Variants in KIF13B observed in about 807,000 individuals in gnomAD.
The protein encoded by KIF13B is kinesin family member 13B.
Under a neutral mutation model 222.0 loss-of-function variants are expected in KIF13B, and 127 were observed. The ratio of observed to expected loss-of-function variants is 0.57; its 90% CI spans 0.50 to 0.66. KIF13B has a LOEUF of 0.66. Among genes scored for constraint, KIF13B ranks in the 30% least tolerant of loss-of-function variants. The pLI is 0.00. For missense variants in KIF13B, 2,173 were observed against 2,379.0 expected (o/e 0.91, Z 1.80); for synonymous variants, 976 against 919.0 (o/e 1.06, Z -1.12).
At position 29,155,657 on chromosome 8, in the gene KIF13B, T is replaced by C. The variant is rs1811487020; in HGVS notation, c.1535+69A>G. ...TCAACTTAAAAGCAACAAAGGCCAC[T>C]GTTGCCACTAGAGTACTTTCTTCCT... is the stretch of plus-strand genomic sequence containing the variant. On this transcript the variant is annotated intron_variant, in intron 14 of 39. Transcript: ENST00000524189. The C allele has an allele frequency of 8.0e-6, 11 of 1,383,320 alleles. No homozygotes were observed. In the Admixed American group the frequency reaches 2.1e-4, roughly 27 times the overall value. 85.7% of individuals were successfully genotyped at this position (1,383,320 alleles called of 1,614,324 possible). A position where few individuals can be genotyped will look rare whatever the true frequency, so the allele number is the denominator to read the frequency against.
chr8:29,140,415 C>G (rs1395928479), intron 20 of KIF13B, 53 bp downstream of exon 20: 2 of 1,565,204 alleles, frequency 1.3e-6, no homozygotes, highest in Non-Finnish European at 1.7e-6. Flanking sequence ...TCACCACCCT[C>G]TTGTTTCTTA....
At chr8:29,121,041 T>C (rs1184251538) in intron 29 of KIF13B, among the ~76,000 whole-genome samples, 1 of 146,640 alleles carries the variant, frequency 6.8e-6, no homozygotes. Context: ...GTTTTTTTCT[T>C]GTAAATTTGT....
chr8:29,108,965 AAAC>A (rs1809226332), intron 34 of KIF13B, among the ~76,000 whole-genome samples: 1 of 152,240 alleles, frequency 6.6e-6, no homozygotes, highest in South Asian at 2.1e-4. Context: ...AGGTTTTTAA[AAAC>A]AACAATAAAC....
chr8:29,160,993 G>T, intron 12 of KIF13B, 126 bp from the exon 13 acceptor site: 1 of 697,302 alleles, frequency 1.4e-6, no homozygotes, highest in Non-Finnish European at 2.2e-6. Flanking sequence ...CTTAGGCTAT[G>T]GCATTATAGA....
In KIF13B at chr8:29,071,685, C is replaced by G. The variant is rs1375820012; in HGVS notation, c.5153G>C (p.Arg1718Thr). 3 of 1,553,836 alleles carry G rather than the reference C, an allele frequency of 1.9e-6. No individual in the cohort carries two copies. The Admixed American group carries it at 5.8e-5, about 30-fold the overall frequency. ...TVGAHKTGVV[R>T]YVGPADFQEG... The stretch of plus-strand genomic sequence containing the variant: ...TTGGAAGTCGGCAGGCCCCACGTAT[C>G]TCACCACGCCCGTTTTGTGGGCGCC... Residue 1718 changes from arginine to threonine, a missense_variant, in exon 39 of 40, where the codon AGA (arginine) becomes ACA (threonine). This residue lies in a region of KIF13B where 693 missense variants were observed against 656.2 expected (regional missense o/e 1.06). Coordinates refer to ENST00000524189, the MANE Select transcript of KIF13B (RefSeq NM_015254.4). This position sits in a 1 kb window ranked among gnomAD's most constrained non-coding sequence, Gnocchi z 4.9.
chr8:29,160,392 A>C (rs1186188926), intron 13 of KIF13B, among the ~76,000 whole-genome samples: 2 of 152,254 alleles, frequency 1.3e-5, no homozygotes, highest in East Asian at 3.8e-4. Flanking sequence ...TGTGCTTCAC[A>C]TAAACCATAA....
At chr8:29,103,589 G>C (rs930980291) in intron 35 of KIF13B, among the ~76,000 whole-genome samples, 1 of 152,000 alleles carries the variant, frequency 6.6e-6, no homozygotes, top group African/African-American at 2.4e-5. Flanking sequence ...GGTGAATTTC[G>C]CATTTGGAAT....
At chr8:29,146,313 C>A (rs750680118) in intron 18 of KIF13B, 65 bp downstream of exon 18, 3 of 1,534,374 alleles carry the variant, frequency 2.0e-6, no homozygotes, top group Non-Finnish European at 2.7e-6. Context: ...TTAAATAACA[C>A]CAGGAAATAT....
intron 3 of KIF13B, among the ~76,000 whole-genome samples, chr8:29,191,356 G>C (rs559318036): frequency 5.6e-4 from 82 of 145,470 alleles, no homozygotes; most frequent in Non-Finnish European, 1.0e-3. Flanking sequence ...CGAAATTAGT[G>C]ATCTGTTTCA....
At chr8:29,109,576 T>A (rs1428523093) in intron 33 of KIF13B, 65 bp from the exon 34 acceptor site, 1 of 1,302,478 alleles carries the variant, frequency 7.7e-7, no homozygotes, top group Non-Finnish European at 1.1e-6. Flanking sequence ...AGCAACACCA[T>A]GTACAGCAGA....
At chr8:29,122,992 C>T (rs1809944623) in intron 28 of KIF13B, among the ~76,000 whole-genome samples, 1 of 152,160 alleles carries the variant, frequency 6.6e-6, no homozygotes, top group Non-Finnish European at 1.5e-5. Flanking sequence ...GCTGACAGTA[C>T]AGTTTAAGCC....
intron 2 of KIF13B, among the ~76,000 whole-genome samples, chr8:29,215,231 G>T (rs547793020): frequency 6.6e-6 from 1 of 152,212 alleles, no homozygotes; most frequent in East Asian, 1.9e-4. Context: ...AGGGAAGATA[G>T]AGGGCAGAAA....
chr8:29,173,954 A>AC (rs1327140669), intron 10 of KIF13B, among the ~76,000 whole-genome samples: 4 of 151,928 alleles, frequency 2.6e-5, no homozygotes, highest in African/African-American at 9.7e-5. Context: ...AAAAAAAAAA[A>AC]AAAACTCATT....
rs1169656754 is a variant in KIF13B at position 29,172,918 on chromosome 8, C to CT, written c.945+3149dup. Among the ~76,000 whole-genome samples the CT allele has an allele frequency of 2.5e-3, 352 of 140,126 alleles. 2 individuals are homozygous for CT. The highest frequency in any genetic ancestry group is 5.1e-3 in the East Asian group (25 of 4,866). The allele number at this position is 140,126 out of a possible 152,430, so 91.9% of individuals were successfully genotyped here. ...AAAAGATATTTCTTGTTTTTTGGTG[C>CT]TTTTTTTTTTTTTTGAGAGGGTTGT... On this transcript the variant is annotated intron_variant, in intron 10 of 39. Transcript: ENST00000524189.
intron 4 of KIF13B, among the ~76,000 whole-genome samples, chr8:29,188,937 T>C (rs559388554): frequency 1.6e-4 from 25 of 152,342 alleles, no homozygotes; most frequent in Non-Finnish European, 2.6e-4. Context: ...GTACCTGGAC[T>C]TAACTATTTA....
chr8:29,213,189 C>T (rs561027654), intron 2 of KIF13B, among the ~76,000 whole-genome samples: 8 of 152,238 alleles, frequency 5.3e-5, no homozygotes, highest in East Asian at 3.9e-4. Flanking sequence ...ACATACTTCA[C>T]GCTGCTGTGC....
At position 29,140,147 on chromosome 8, in the gene KIF13B, A is replaced by G. The variant is rs1255596460; in HGVS notation, c.2529T>C (p.Asp843=). ...CGCCTCCTGCGATCCTCTCCCCAAC[A>G]TCACCACTGAGTCGCATCACCTCCA... ...LHVEVMRLSG[D]VGERIAGGDE... The change falls in exon 21 of 40, where the codon GAT becomes GAC. Residue 843 remains aspartate, a synonymous_variant. Transcript: ENST00000524189. The G allele has an allele frequency of 6.2e-7, 1 of 1,613,690 alleles. No homozygotes were observed.
At chr8:29,088,983 T>C (rs1030433988) in intron 37 of KIF13B, among the ~76,000 whole-genome samples, 1 of 152,226 alleles carries the variant, frequency 6.6e-6, no homozygotes, top group Non-Finnish European at 1.5e-5. Flanking sequence ...CTAAGATTTC[T>C]CTCTCCTTTG....
At chr8:29,184,891 T>C (rs754228288) in intron 6 of KIF13B, among the ~76,000 whole-genome samples, 10 of 152,096 alleles carry the variant, frequency 6.6e-5, no homozygotes, top group Admixed American at 1.3e-4. Context: ...TACAGGGATA[T>C]AATATTAAGT....
Sources: gnomAD v4.1 joint callset for allele counts (sites outside exome capture counted in the v4.1 genomes callset) on GRCh38, gnomAD v4.1.1 for gene constraint, gnomAD v4.1.1 regional missense constraint, Gnocchi (gnomAD v3.1) non-coding constraint, MANE v1.5 for transcripts, NCBI Gene and HGNC (gene_info 2026-07-23, HGNC 2026-07-21) for gene names.